SHOC2: variants seen among roughly 807,000 people sequenced by gnomAD.
The protein encoded by SHOC2 is SHOC2 leucine rich repeat scaffold protein.
Under a neutral mutation model 50.2 loss-of-function variants are expected in SHOC2, and 4 were observed. The ratio of observed to expected loss-of-function variants is 0.08; its 90% CI spans 0.04 to 0.18. The LOEUF (loss-of-function observed/expected upper bound fraction) is 0.18. Among genes scored for constraint, SHOC2 ranks in the 10% least tolerant of loss-of-function variants. The pLI is 1.00. For synonymous variants in SHOC2, 218 were observed against 244.5 expected, an observed-to-expected ratio of 0.89 and a Z score of 1.01; for missense variants, 388 against 669.6, an observed-to-expected ratio of 0.58 and a Z score of 4.64.
At chr10:110,998,781 G>A (rs1848315290) in intron 3 of SHOC2, among the ~76,000 whole-genome samples, 1 of 152,134 alleles carries the variant, frequency 6.6e-6, no homozygotes, top group Non-Finnish European at 1.5e-5. Flanking sequence ...TCTTGAAAAT[G>A]TAAAGGCTAA....
intron 1 of SHOC2, among the ~76,000 whole-genome samples, chr10:110,920,820 A>G (rs1418358049): frequency 6.6e-6 from 1 of 152,204 alleles, no homozygotes; most frequent in Non-Finnish European, 1.5e-5. Context: ...TGTGGACTGT[A>G]TAGTATTTGC....
intron 2 of SHOC2, among the ~76,000 whole-genome samples, chr10:110,973,015 C>G (rs1043147442): frequency 1.3e-5 from 2 of 152,076 alleles, no homozygotes; most frequent in Admixed American, 6.6e-5. Flanking sequence ...TGTCCATGTC[C>G]CTTAGTTGCA....
intron 1 of SHOC2, among the ~76,000 whole-genome samples, chr10:110,954,765 C>G (rs1298840273): frequency 2.0e-5 from 3 of 152,036 alleles, no homozygotes; most frequent in African/African-American, 7.2e-5. Flanking sequence ...AGGGGTGAAG[C>G]TTGAGGTGAG....
chr10:111,004,053 A>G (rs1234972945), intron 4 of SHOC2, among the ~76,000 whole-genome samples: 4 of 152,192 alleles, frequency 2.6e-5, no homozygotes, highest in South Asian at 2.1e-4. Flanking sequence ...AAATTTTACC[A>G]TATAGAAAAG....
At chr10:110,919,713 C>G in intron 1 of SHOC2, 56 bp downstream of exon 1, 1 of 397,724 alleles carries the variant, frequency 2.5e-6, no homozygotes, top group Non-Finnish European at 4.4e-6. Context: ...TCCTGCCTGC[C>G]TTCCTGTCCG....
intron 1 of SHOC2, among the ~76,000 whole-genome samples, chr10:110,933,883 A>G (rs953606410): frequency 3.3e-5 from 5 of 152,068 alleles, no homozygotes; most frequent in African/African-American, 1.2e-4. Flanking sequence ...TTTTTTAACG[A>G]AAGTTTGGAT....
chr10:111,001,936 G>T (rs1022310380), intron 4 of SHOC2, among the ~76,000 whole-genome samples: 1 of 152,158 alleles, frequency 6.6e-6, no homozygotes, highest in African/African-American at 2.4e-5. Context: ...CTACTCAGAA[G>T]GCTGAGGTAG....
In SHOC2 at chr10:110,964,237, G is replaced by A. The variant is rs1267936669; in HGVS notation, c.-122G>A. 7 of 1,453,196 alleles carry A rather than the reference G, an allele frequency of 4.8e-6. No individual in the cohort carries two copies. Among genetic ancestry groups the A allele is most frequent in the Non-Finnish European group, 6.5e-6 (7 of 1,083,894 alleles). The allele number at this position is 1,453,196 out of a possible 1,614,324, so 90.0% of individuals were successfully genotyped here. A position where few individuals can be genotyped will look rare whatever the true frequency, so the allele number is the denominator to read the frequency against. ...ATGTAACAGATGGATGTTACTCCAT[G>A]CTGATTACTTCTTCAAGCCAGTACT... On this transcript the variant is annotated 5_prime_UTR_variant, in exon 2 of 9. It removes an upstream start codon present in the reference 5' UTR. Coordinates refer to ENST00000369452, the MANE Select transcript of SHOC2 (RefSeq NM_007373.4). The surrounding 1 kb of genome is among the most constrained non-coding windows in gnomAD (Gnocchi z 4.9).
intron 2 of SHOC2, among the ~76,000 whole-genome samples, chr10:110,981,878 A>ATTTATTT (rs1564721080): frequency 5.5e-5 from 3 of 54,168 alleles, no homozygotes; most frequent in Admixed American, 4.3e-4. Context: ...TTATTTTTTT[A>ATTTATTT]AGTTTTAGGG....
chr10:110,995,265 A>G (rs1848249542), intron 3 of SHOC2, among the ~76,000 whole-genome samples: 1 of 152,250 alleles, frequency 6.6e-6, no homozygotes, highest in Non-Finnish European at 1.5e-5. Context: ...GAGATAACTA[A>G]TCCATGAAAC....
upstream of SHOC2, chr10:110,919,585 C>G (rs891489110): frequency 1.8e-5 from 7 of 392,790 alleles, no homozygotes; most frequent in Non-Finnish European, 2.2e-5. Flanking sequence ...TGGGCAGCGT[C>G]GCTTCTTAGG....
intron 4 of SHOC2, among the ~76,000 whole-genome samples, chr10:111,003,265 T>C (rs941113054): frequency 3.9e-5 from 6 of 152,212 alleles, no homozygotes; most frequent in Non-Finnish European, 8.8e-5. Flanking sequence ...TTGAACATTA[T>C]TTTAAAAACA....
chr10:111,011,909 A>C lies in SHOC2; in HGVS notation c.*91A>C. The C allele has an allele frequency of 9.9e-7, 1 of 1,013,718 alleles. No individual in the cohort carries two copies. Among genetic ancestry groups the C allele is most frequent in the Admixed American group, 1.9e-5 (1 of 52,858 alleles). The allele number at this position is 1,013,718 out of a possible 1,614,324, so 62.8% of individuals were successfully genotyped here. ...TGTATCTATTTATGTAGATATTGGT[A>C]TATGGCAGATTTATAAAAATTGCAT... On this transcript the variant is annotated 3_prime_UTR_variant, in exon 9 of 9. Transcript: ENST00000369452.
chr10:111,009,466 G>A lies in SHOC2; in HGVS notation c.1422+81G>A, dbSNP rs1298163052. 4 of 1,246,442 alleles carry A rather than the reference G, an allele frequency of 3.2e-6. No individual in the cohort carries two copies. In the South Asian group the frequency reaches 5.0e-5, roughly 16 times the overall value. The allele number at this position is 1,246,442 out of a possible 1,614,324, so 77.2% of individuals were successfully genotyped here. A position where few individuals can be genotyped will look rare whatever the true frequency, so the allele number is the denominator to read the frequency against. ...TCCACATTTCTCTTAAGATTTTGAT[G>A]TAATTCTTGGATCAGATAGACTTTC... On this transcript the variant is annotated intron_variant, in intron 7 of 8. Transcript: ENST00000369452.
intron 3 of SHOC2, among the ~76,000 whole-genome samples, chr10:110,993,758 T>G (rs1024342321): frequency 3.3e-5 from 5 of 152,190 alleles, no homozygotes; most frequent in Non-Finnish European, 7.4e-5. Context: ...GATGAGAAAT[T>G]TCAAGAATCT....
intron 3 of SHOC2, among the ~76,000 whole-genome samples, chr10:111,000,078 T>C (rs1848341745): frequency 6.6e-6 from 1 of 152,218 alleles, no homozygotes; most frequent in African/African-American, 2.4e-5. Context: ...GGAATAAGTA[T>C]TGTAAGTTTA....
intron 3 of SHOC2, among the ~76,000 whole-genome samples, chr10:110,999,821 A>C (rs1848336924): frequency 6.6e-6 from 1 of 151,840 alleles, no homozygotes; most frequent in Non-Finnish European, 1.5e-5. Context: ...TTTTGTGCTC[A>C]AGCTGGATAT....
At chr10:110,988,545 C>T (rs746417132) in intron 3 of SHOC2, among the ~76,000 whole-genome samples, 16 of 152,106 alleles carry the variant, frequency 1.1e-4, no homozygotes, top group Non-Finnish European at 1.9e-4. Context: ...AATGCCACCT[C>T]TCTAATTCCT....
intron 1 of SHOC2, among the ~76,000 whole-genome samples, chr10:110,959,606 G>A (rs1847534333): frequency 6.6e-6 from 1 of 152,182 alleles, no homozygotes; most frequent in South Asian, 2.1e-4. Context: ...GAATCACCTG[G>A]AAAACTCTTT....
Sources: gnomAD v4.1 joint callset for allele counts (sites outside exome capture counted in the v4.1 genomes callset) on GRCh38, gnomAD v4.1.1 for gene constraint, Gnocchi (gnomAD v3.1) non-coding constraint, MANE v1.5 for transcripts, NCBI Gene and HGNC (gene_info 2026-07-23, HGNC 2026-07-21) for gene names.